Variants in ACTG2 observed in about 807,000 individuals in gnomAD.
ACTG2 encodes the protein actin, gamma-enteric smooth muscle.
In ACTG2, 16 loss-of-function variants were observed where a neutral mutation model predicts 37.6. The observed-to-expected ratio is 0.43, with a 90% CI of 0.29 to 0.65. ACTG2 has a LOEUF of 0.65. ACTG2 is among the 30% of genes least tolerant of loss of function. The pLI, the probability that ACTG2 is intolerant of heterozygous loss-of-function variation, is 0.18. For synonymous variants in ACTG2, 181 were observed against 179.9 expected, an observed-to-expected ratio of 1.01 and a Z score of -0.05; for missense variants, 238 against 490.9, an observed-to-expected ratio of 0.48 and a Z score of 4.87.
At chr2:73,902,648 G>T in intron 3 of ACTG2, 160 bp downstream of exon 3, 1 of 1,552,048 alleles carries the variant, frequency 6.4e-7, no homozygotes, top group Non-Finnish European at 8.7e-7. Context: ...CTCCAACCTA[G>T]GCTGCCAACA....
rs202149912 is a variant in ACTG2 at position 73,901,304 on chromosome 2, C to A, written c.-8C>A. ...CTCCAGTCCCCAGCTCACTCAGCCA[C>A]ACACACCATGTGTGAAGAGGAGACC... On this transcript the variant is annotated 5_prime_UTR_variant, in exon 2 of 9. Transcript: ENST00000345517. 8.6e-5 allele frequency: 137 copies of A among 1,591,010 alleles called. No individual in the cohort carries two copies. Among genetic ancestry groups the A allele is most frequent in the Non-Finnish European group, 1.1e-4 (125 of 1,165,100 alleles).
chr2:73,898,702 C>T (rs1679805650), intron 1 of ACTG2, among the ~76,000 whole-genome samples: 1 of 152,052 alleles, frequency 6.6e-6, no homozygotes, highest in South Asian at 2.1e-4. Flanking sequence ...GCAAAGGTAG[C>T]TTTTATCCTG....
intron 3 of ACTG2, among the ~76,000 whole-genome samples, chr2:73,906,173 C>T (rs953882059): frequency 2.0e-5 from 3 of 151,890 alleles, no homozygotes; most frequent in South Asian, 2.1e-4. Flanking sequence ...AAATTTTGGC[C>T]GGGCGCGGTG....
chr2:73,899,090 G>T (rs974312318), intron 1 of ACTG2, among the ~76,000 whole-genome samples: 1 of 152,068 alleles, frequency 6.6e-6, no homozygotes, highest in Non-Finnish European at 1.5e-5. Flanking sequence ...GATTACAGGC[G>T]TGAGCCACCG....
chr2:73,897,544 T>C (rs377070973), intron 1 of ACTG2, among the ~76,000 whole-genome samples: 6 of 152,252 alleles, frequency 3.9e-5, no homozygotes, highest in African/African-American at 1.4e-4. Flanking sequence ...GGCTGGACTG[T>C]GGGGACTCGG....
rs531638982 is a variant in ACTG2 at position 73,896,235 on chromosome 2, CAGCTCCTAGGATGAGGAGAA to C, written c.-37+3187_-37+3206del. Among the ~76,000 whole-genome samples, 73 of 151,978 alleles carry C rather than the reference CAGCTCCTAGGATGAGGAGAA, an allele frequency of 4.8e-4. No individual in the cohort carries two copies. The East Asian group carries it at 0.014, about 29-fold the overall frequency. ...CATGCCAGCCACATGCCTGCCATCC[CAGCTCCTAGGATGAGGAGAA>C]AGGATCCTTGAGCTCAGGAGTTCAA... On this transcript the variant is annotated intron_variant, in intron 1 of 8. Transcript: ENST00000345517.
chr2:73,919,399 C>T, intron 8 of ACTG2, 33 bp from the exon 9 acceptor site: 1 of 1,606,814 alleles, frequency 6.2e-7, no homozygotes, highest in Non-Finnish European at 8.5e-7. Context: ...CCCTTGGGGA[C>T]TGATCATGAT....
At chr2:73,911,969 A>G (rs187700620) in intron 5 of ACTG2, among the ~76,000 whole-genome samples, 3 of 152,214 alleles carry the variant, frequency 2.0e-5, no homozygotes, top group Admixed American at 6.5e-5. Context: ...ACTCCCTACA[A>G]TGTGCCAAAC....
intron 1 of ACTG2, among the ~76,000 whole-genome samples, chr2:73,894,998 G>A (rs548357828): frequency 2.6e-5 from 4 of 152,166 alleles, no homozygotes; most frequent in Non-Finnish European, 5.9e-5. Context: ...TGCAGCATGC[G>A]GTGGTCCTGA....
chr2:73,897,521 T>G (rs1261734038), intron 1 of ACTG2, among the ~76,000 whole-genome samples: 2 of 152,180 alleles, frequency 1.3e-5, no homozygotes, highest in Non-Finnish European at 2.9e-5. Context: ...CCCTTGTGAC[T>G]GAACCACCAT....
At chr2:73,916,417 G>A (rs565928544) in intron 7 of ACTG2, among the ~76,000 whole-genome samples, 167 bp from the exon 8 acceptor site, 2 of 151,388 alleles carry the variant, frequency 1.3e-5, no homozygotes, top group Non-Finnish European at 2.9e-5. Context: ...GGACAATAAA[G>A]GAAAGGCCAT....
At chr2:73,903,930 ACT>A (rs1432135787) in intron 3 of ACTG2, among the ~76,000 whole-genome samples, 2 of 122,536 alleles carry the variant, frequency 1.6e-5, no homozygotes, top group Admixed American at 9.8e-5. Flanking sequence ...ACAGAGTGAG[ACT>A]CCGTCTCAAA....
intron 1 of ACTG2, 85 bp from the exon 2 acceptor site, chr2:73,901,191 T>C (rs895732476): frequency 1.8e-6 from 2 of 1,131,588 alleles, no homozygotes; most frequent in African/African-American, 1.6e-5. Flanking sequence ...TGATTGCAGG[T>C]AGGGTCAGGC....
At chr2:73,908,123 C>T (rs1048787044) in intron 3 of ACTG2, among the ~76,000 whole-genome samples, 2 of 152,208 alleles carry the variant, frequency 1.3e-5, no homozygotes, top group African/African-American at 4.8e-5. Flanking sequence ...AGAGGGAGCT[C>T]TCACACCCCT....
intron 3 of ACTG2, among the ~76,000 whole-genome samples, chr2:73,904,013 C>G (rs1167703159): frequency 1.4e-5 from 2 of 147,086 alleles, no homozygotes; most frequent in African/African-American, 2.5e-5. Flanking sequence ...AATCCCAACA[C>G]TTTGGGAAGC....
At chr2:73,904,533 CTG>C (rs1482208849) in intron 3 of ACTG2, among the ~76,000 whole-genome samples, 1 of 151,494 alleles carries the variant, frequency 6.6e-6, no homozygotes, top group Non-Finnish European at 1.5e-5. Flanking sequence ...TGGTTAGCAC[CTG>C]TCGTCCCAGC....
Position 73,914,009 on chromosome 2 carries a change from C to T in ACTG2, c.613+363C>T, listed in dbSNP as rs138395024. Among the ~76,000 whole-genome samples the T allele has an allele frequency of 2.8e-3, 420 of 152,236 alleles. 1 individual carries two copies. Among genetic ancestry groups the T allele is most frequent in the Non-Finnish European group, 4.9e-3 (330 of 68,022 alleles). ...TAAGGGGAAGGTGTCATGTGGCCCA[C>T]CTGGGCAATCGGCATTTTTTAGGTG... On this transcript the variant is annotated intron_variant, in intron 6 of 8. Transcript: ENST00000345517.
rs1463563434 is a variant in ACTG2 at position 73,919,441 on chromosome 2, C to T, written c.997C>T (p.Pro333Ser). Residue 333 changes from proline to serine, a missense_variant, in exon 9 of 9, where the codon CCC (proline) becomes TCC (serine). Physicochemically the swap from Pro to Ser is moderately conservative, Grantham distance 74. Coordinates refer to ENST00000345517, the MANE Select transcript of ACTG2 (RefSeq NM_001615.4). ...CATTTGTTCTTTGCAGATTATTGCT[C>T]CCCCAGAGCGGAAGTACTCAGTCTG... ...PSTMKIKIIA[P>S]PERKYSVWIG... 1 of 1,613,382 alleles carries T rather than the reference C, an allele frequency of 6.2e-7. No homozygotes were observed. The highest frequency in any genetic ancestry group is 8.5e-7 in the Non-Finnish European group (1 of 1,179,940).
chr2:73,910,287 A>G (rs963869166), intron 5 of ACTG2, among the ~76,000 whole-genome samples: 1 of 150,906 alleles, frequency 6.6e-6, no homozygotes, highest in Non-Finnish European at 1.5e-5. Context: ...AATGTTTTTT[A>G]CCTTATAAAC....
Sources: gnomAD v4.1 joint callset for allele counts (sites outside exome capture counted in the v4.1 genomes callset) on GRCh38, gnomAD v4.1.1 for gene constraint, MANE v1.5 for transcripts, NCBI Gene and HGNC (gene_info 2026-07-23, HGNC 2026-07-21) for gene names.